The following CLVS2 variants were observed in gnomAD, a reference collection of about 807,000 sequenced individuals.
CLVS2 encodes the protein clavesin-2.
CLVS2 carries 19 observed loss-of-function variants against 29.0 expected under a neutral mutation model. The ratio of observed to expected loss-of-function variants is 0.66; its 90% CI spans 0.46 to 0.96. The LOEUF is 0.96. Among genes scored for constraint, CLVS2 ranks in the 40% least tolerant of loss-of-function variants. The pLI is 0.00. For synonymous variants in CLVS2, 161 were observed against 151.3 expected (o/e 1.06, Z -0.47); for missense variants, 294 against 404.1 (o/e 0.73, Z 2.34).
At chr6:123,054,557 T>C (rs950128872) in intron 4 of CLVS2, among the ~76,000 whole-genome samples, 2 of 152,222 alleles carry the variant, frequency 1.3e-5, no homozygotes, top group Non-Finnish European at 2.9e-5. Context: ...TAATCTTTCT[T>C]TGTTTCCCAA....
chr6:123,026,493 A>C (rs1363846750), intron 3 of CLVS2, among the ~76,000 whole-genome samples: 1 of 152,188 alleles, frequency 6.6e-6, no homozygotes, highest in East Asian at 1.9e-4. Context: ...AGAATCAGGC[A>C]GTTGCAGCTG....
chr6:123,048,863 T>C, intron 4 of CLVS2, 131 bp downstream of exon 4: 1 of 611,870 alleles, frequency 1.6e-6, no homozygotes, highest in South Asian at 2.4e-5. Context: ...AGAAGACATT[T>C]TAAGATTCTT....
At chr6:123,026,465 T>C (rs958922319) in intron 3 of CLVS2, among the ~76,000 whole-genome samples, 1 of 152,176 alleles carries the variant, frequency 6.6e-6, no homozygotes, top group Non-Finnish European at 1.5e-5. Flanking sequence ...ATTAGCATAC[T>C]TTGATGAGCA....
chr6:123,003,952 C>T (rs945746416), intron 2 of CLVS2, among the ~76,000 whole-genome samples: 3 of 152,024 alleles, frequency 2.0e-5, no homozygotes, highest in African/African-American at 7.2e-5. Context: ...GTGAATTAGT[C>T]GCTTTTTGTG....
In CLVS2 at chr6:123,066,980, A is replaced by G. The variant is rs1446594906; in HGVS notation, c.*3219A>G. 2 of 151,758 alleles carry G rather than the reference A, an allele frequency of 1.3e-5. No individual in the cohort carries two copies. Among genetic ancestry groups the G allele is most frequent in the Admixed American group, 6.6e-5 (1 of 15,186 alleles). The allele number at this position is 151,758 out of a possible 1,614,324, so 9.4% of individuals were successfully genotyped here. A position where few individuals can be genotyped will look rare whatever the true frequency, so the allele number is the denominator to read the frequency against. Reference sequence around the variant, plus strand: ...CTAAAACGATATACGAGTATTAAACAGAGTTTTGCAAGCAAGTTTTTGAAG... The same window carrying G: ...CTAAAACGATATACGAGTATTAAACGGAGTTTTGCAAGCAAGTTTTTGAAG... On this transcript the variant is annotated 3_prime_UTR_variant, in exon 6 of 6. Coordinates refer to ENST00000275162, the MANE Select transcript of CLVS2 (RefSeq NM_001010852.4).
rs756163756 is a variant in CLVS2, at chr6:122,997,826, C to T, written c.49C>T (p.Arg17Cys). The T allele has an allele frequency of 1.2e-6, 2 of 1,614,050 alleles. No individual in the cohort carries two copies. Among genetic ancestry groups the T allele is most frequent in the Admixed American group, 3.3e-5 (2 of 60,018 alleles). The change falls in exon 2 of 6, where the codon CGC becomes TGC. Residue 17 changes from arginine to cysteine, a missense_variant. Coordinates refer to ENST00000275162, the MANE Select transcript of CLVS2 (RefSeq NM_001010852.4). ...CTCCCCTGAGACCCTGGAGAAAGCT[C>T]GCCTGGAGCTCAATGAAAACCCAGA... ...GLSPETLEKARLELNENPDTL... is the reference protein window; with the variant it reads ...GLSPETLEKACLELNENPDTL...
rs1482021324 is a variant in CLVS2, at chr6:123,065,306, A to G, written c.*1545A>G. The G allele has an allele frequency of 1.3e-5, 2 of 151,852 alleles. No individual in the cohort carries two copies. Among genetic ancestry groups the G allele is most frequent in the Middle Eastern group, 3.2e-3 (1 of 316 alleles). The allele number at this position is 151,852 out of a possible 1,614,324, so 9.4% of individuals were successfully genotyped here. A position where few individuals can be genotyped will look rare whatever the true frequency, so the allele number is the denominator to read the frequency against. ...TAAAGTATTCTTTTGGAAGAAAAAT[A>G]TCTCAGAAACTCTTGGAAACCAACA... On this transcript the variant is annotated 3_prime_UTR_variant, in exon 6 of 6. Transcript: ENST00000275162.
intron 3 of CLVS2, among the ~76,000 whole-genome samples, chr6:123,019,839 T>C (rs886070898): frequency 6.6e-6 from 1 of 152,032 alleles, no homozygotes; most frequent in Non-Finnish European, 1.5e-5. Context: ...ATAGGTCCAG[T>C]TCAAGTCCAA....
chr6:123,019,318 C>A (rs1774889192), intron 3 of CLVS2, among the ~76,000 whole-genome samples: 1 of 151,958 alleles, frequency 6.6e-6, no homozygotes, highest in Non-Finnish European at 1.5e-5. Flanking sequence ...CTTCAGTTGG[C>A]ACTGTAAGGG....
intron 3 of CLVS2, among the ~76,000 whole-genome samples, chr6:123,048,088 T>G (rs1772542876): frequency 6.6e-6 from 1 of 152,132 alleles, no homozygotes; most frequent in Non-Finnish European, 1.5e-5. Context: ...TACTTTCTTG[T>G]AGTTAAAATA....
intron 3 of CLVS2, among the ~76,000 whole-genome samples, chr6:123,016,903 G>A (rs183288561): frequency 5.0e-4 from 76 of 152,158 alleles, no homozygotes; most frequent in African/African-American, 1.7e-3. Flanking sequence ...GGCTCTAAGC[G>A]TTTGGAAGCC....
In CLVS2 at chr6:123,046,607, C is replaced by T. The variant is rs184809374; in HGVS notation, c.565-2015C>T. Among the ~76,000 whole-genome samples, 754 of 150,766 alleles carry T rather than the reference C, an allele frequency of 5.0e-3. 10 individuals carry two copies. Among genetic ancestry groups the T allele is most frequent in the Non-Finnish European group, 5.9e-3 (399 of 67,802 alleles). ...CTGGGAGGAGGAAATTGCAGTGAGC[C>T]GAGATTGCGCCACTGCACTCTAGCC... On this transcript the variant is annotated intron_variant, in intron 3 of 5. Transcript: ENST00000275162.
chr6:123,009,162 A>T (rs1422223161), intron 2 of CLVS2, among the ~76,000 whole-genome samples: 6 of 152,024 alleles, frequency 3.9e-5, no homozygotes, highest in Non-Finnish European at 7.4e-5. Flanking sequence ...CATCTCTTTG[A>T]TGACTCTCTG....
chr6:123,012,326 A>C (rs1220325762), intron 3 of CLVS2, among the ~76,000 whole-genome samples: 3 of 151,948 alleles, frequency 2.0e-5, no homozygotes, highest in African/African-American at 7.2e-5. Flanking sequence ...GGTGTTCTTC[A>C]GTTTGTGAAC....
chr6:123,025,668 C>T (rs1774990696), intron 3 of CLVS2, among the ~76,000 whole-genome samples: 1 of 152,102 alleles, frequency 6.6e-6, no homozygotes, highest in Non-Finnish European at 1.5e-5. Flanking sequence ...AGCTACTTTG[C>T]CAGACTTTAT....
At chr6:123,023,089 C>T (rs1481947012) in intron 3 of CLVS2, among the ~76,000 whole-genome samples, 2 of 152,000 alleles carry the variant, frequency 1.3e-5, no homozygotes, top group Admixed American at 6.6e-5. Context: ...CTAGGAAGTA[C>T]CTTAACTCAA....
intron 2 of CLVS2, among the ~76,000 whole-genome samples, chr6:123,006,802 T>C (rs1024696264): frequency 6.6e-6 from 1 of 152,150 alleles, no homozygotes; most frequent in Non-Finnish European, 1.5e-5. Context: ...TCTGTGGATA[T>C]CGAGCCGTCA....
intron 3 of CLVS2, among the ~76,000 whole-genome samples, chr6:123,038,759 A>G (rs563063457): frequency 6.6e-5 from 10 of 152,066 alleles, no homozygotes; most frequent in African/African-American, 2.2e-4. Flanking sequence ...GCTCTTTGAT[A>G]TTACATATTA....
chr6:123,048,819 A>C (rs1440549755), intron 4 of CLVS2, 87 bp downstream of exon 4: 3 of 826,438 alleles, frequency 3.6e-6, no homozygotes, highest in Non-Finnish European at 6.1e-6. Context: ...TAGCTATAGT[A>C]AAATGTACTT....
Sources: allele counts gnomAD v4.1 joint callset (sites outside exome capture counted in the v4.1 genomes callset), GRCh38; gene constraint gnomAD v4.1.1; transcripts MANE v1.5; gene names NCBI Gene and HGNC (gene_info 2026-07-23, HGNC 2026-07-21).